AGBL4: variants seen among roughly 807,000 people sequenced by gnomAD.
AGBL4 encodes AGBL carboxypeptidase 4.
AGBL4 carries 58 observed loss-of-function variants against 66.4 expected under a neutral mutation model. The ratio of observed to expected loss-of-function variants is 0.87; its 90% CI spans 0.71 to 1.09. AGBL4 has a LOEUF of 1.09. Ranked by LOEUF, AGBL4 falls within the 50% of genes least tolerant of loss-of-function variation. The pLI, the probability that AGBL4 is intolerant of heterozygous loss-of-function variation, is 0.00. For synonymous variants in AGBL4, 234 were observed against 222.9 expected (o/e 1.05, Z -0.44); for missense variants, 579 against 631.0 (o/e 0.92, Z 0.88).
chr1:49,842,248 C>A (rs1454311465), intron 2 of AGBL4: 1 of 445,944 alleles, frequency 2.2e-6, no homozygotes, highest in Admixed American at 2.8e-5. Flanking sequence ...GGGCCCTGTA[C>A]TATGATGTAA....
chr1:49,884,031 A>G (rs185960952), intron 1 of AGBL4, among the ~76,000 whole-genome samples: 104 of 152,118 alleles, frequency 6.8e-4, no homozygotes, highest in Non-Finnish European at 9.9e-4. Flanking sequence ...GTTGCTATGG[A>G]ATAACTTTTA....
chr1:48,845,048 T>C (rs527890964), intron 6 of AGBL4, among the ~76,000 whole-genome samples: 96 of 152,330 alleles, frequency 6.3e-4, no homozygotes, highest in African/African-American at 2.3e-3. Flanking sequence ...GGACAGCTAG[T>C]ATGTTTTTTC....
At chr1:49,815,244 G>C (rs1260904607) in intron 2 of AGBL4, among the ~76,000 whole-genome samples, 5 of 151,934 alleles carry the variant, frequency 3.3e-5, no homozygotes, top group Non-Finnish European at 7.4e-5. Context: ...TTGATTTTTA[G>C]ATCCCACAAA....
intron 5 of AGBL4, among the ~76,000 whole-genome samples, chr1:49,029,485 C>G (rs1664035502): frequency 6.6e-6 from 1 of 152,050 alleles, no homozygotes; most frequent in Non-Finnish European, 1.5e-5. Flanking sequence ...AAAATAAGTA[C>G]AAACCTTGCT....
intron 5 of AGBL4, among the ~76,000 whole-genome samples, chr1:49,034,685 T>C (rs1423956020): frequency 6.6e-6 from 1 of 152,062 alleles, no homozygotes; most frequent in Admixed American, 6.6e-5. Context: ...TTACGAGGTG[T>C]GATGGTTTTA....
At chr1:49,488,836 C>T (rs1310322739) in intron 3 of AGBL4, among the ~76,000 whole-genome samples, 1 of 151,370 alleles carries the variant, frequency 6.6e-6, no homozygotes, top group Non-Finnish European at 1.5e-5. Context: ...ACCTCCAGTT[C>T]CATCTATGTT....
At position 49,852,423 on chromosome 1, in the gene AGBL4, C is replaced by T. The variant is rs574243670; in HGVS notation, c.35-905G>A. 1.1e-4 allele frequency among the ~76,000 whole-genome samples: 16 copies of T among 152,232 alleles called. 1 individual carries two copies. In the East Asian group the frequency reaches 1.9e-3, roughly 18 times the overall value. ...GAGTCATAGACACACAGGGAATTCA[C>T]GTCCATTTGAAGACTCTGCTGTACA... is the stretch of plus-strand genomic sequence containing the variant. On this transcript the variant is annotated intron_variant, in intron 1 of 13. Transcript: ENST00000371839.
intron 6 of AGBL4, among the ~76,000 whole-genome samples, chr1:48,741,918 A>G (rs1019092484): frequency 6.6e-6 from 1 of 152,248 alleles, no homozygotes; most frequent in African/African-American, 2.4e-5. Flanking sequence ...TGTTAGAAGA[A>G]TGTCAGAAAA....
intron 3 of AGBL4, among the ~76,000 whole-genome samples, chr1:49,667,253 G>A (rs1646389292): frequency 6.6e-6 from 1 of 152,144 alleles, no homozygotes; most frequent in Non-Finnish European, 1.5e-5. Flanking sequence ...GAGCCCAGGA[G>A]TTCAAGACCA....
At chr1:49,079,625 T>G (rs1644772669) in intron 4 of AGBL4, among the ~76,000 whole-genome samples, 1 of 152,084 alleles carries the variant, frequency 6.6e-6, no homozygotes, top group African/African-American at 2.4e-5. Flanking sequence ...GAGATTTGGG[T>G]AGGGACACAG....
At chr1:49,501,803 G>A (rs1051399071) in intron 3 of AGBL4, among the ~76,000 whole-genome samples, 1 of 151,722 alleles carries the variant, frequency 6.6e-6, no homozygotes, top group Non-Finnish European at 1.5e-5. Flanking sequence ...TTGATATGTT[G>A]AGTTTTCATT....
At chr1:49,031,241 C>T (rs1481555771) in intron 5 of AGBL4, among the ~76,000 whole-genome samples, 1 of 151,900 alleles carries the variant, frequency 6.6e-6, no homozygotes, top group Non-Finnish European at 1.5e-5. Context: ...GTACACAACA[C>T]CGTGCCTGGC....
chr1:49,681,517 G>A (rs1294828455), intron 3 of AGBL4, among the ~76,000 whole-genome samples: 1 of 152,100 alleles, frequency 6.6e-6, no homozygotes, highest in Non-Finnish European at 1.5e-5. Context: ...TCCAGTGTTA[G>A]CACTCTAGCG....
chr1:48,587,105 C>A lies in AGBL4; in HGVS notation c.1166G>T (p.Gly389Val). 6.3e-7 allele frequency: 1 copy of A among 1,585,514 alleles called. No individual in the cohort carries two copies. Among genetic ancestry groups the A allele is most frequent in the Non-Finnish European group, 8.6e-7 (1 of 1,166,136 alleles). The change falls in exon 11 of 14, where the codon GGA becomes GTA. Residue 389 changes from glycine to valine, a missense_variant. By Grantham distance (109) the Gly-to-Val change is moderately radical (BLOSUM62 -3). Coordinates refer to ENST00000371839, the MANE Select transcript of AGBL4 (RefSeq NM_032785.4). The stretch of plus-strand genomic sequence containing the variant: ...GCAATAGGAAGTGTGGTCCAGGAGT[C>A]CACCGAGGAAGCGACGGCCAGTTCC... Reference protein sequence around the residue: ...KAGTGRRFLGGLLDHTSYCYT... With the variant: ...KAGTGRRFLGVLLDHTSYCYT...
At chr1:49,382,091 C>A (rs961709945) in intron 3 of AGBL4, among the ~76,000 whole-genome samples, 1 of 152,068 alleles carries the variant, frequency 6.6e-6, no homozygotes, top group Non-Finnish European at 1.5e-5. Flanking sequence ...TCCACATGAA[C>A]ATTTCTAGTA....
chr1:49,801,920 A>G (rs558574569), intron 2 of AGBL4, among the ~76,000 whole-genome samples: 1 of 152,358 alleles, frequency 6.6e-6, no homozygotes, highest in Non-Finnish European at 1.5e-5. Context: ...TGTTTTTAGA[A>G]GTGTCCTGTA....
intron 3 of AGBL4, among the ~76,000 whole-genome samples, chr1:49,264,188 T>G (rs1170347039): frequency 6.6e-6 from 1 of 152,062 alleles, no homozygotes; most frequent in Non-Finnish European, 1.5e-5. Flanking sequence ...AATGACTTAT[T>G]TATCAAAATC....
chr1:49,127,855 C>T (rs559950917), intron 4 of AGBL4, among the ~76,000 whole-genome samples: 1 of 152,146 alleles, frequency 6.6e-6, no homozygotes, highest in South Asian at 2.1e-4. Flanking sequence ...ACAAGTAACT[C>T]AACTTATAGC....
intron 3 of AGBL4, among the ~76,000 whole-genome samples, chr1:49,618,000 C>G (rs1466878967): frequency 1.3e-5 from 2 of 152,162 alleles, no homozygotes; most frequent in African/African-American, 4.8e-5. Flanking sequence ...GCTATCCCTC[C>G]CCCAGCCTCC....
Sources: gnomAD v4.1 joint callset for allele counts (sites outside exome capture counted in the v4.1 genomes callset) on GRCh38, gnomAD v4.1.1 for gene constraint, MANE v1.5 for transcripts, NCBI Gene and HGNC (gene_info 2026-07-23, HGNC 2026-07-21) for gene names.